The following ARHGAP42 variants were observed in gnomAD, a reference collection of about 807,000 sequenced individuals.
ARHGAP42 encodes the protein Rho GTPase activating protein 42.
ARHGAP42 carries 63 observed loss-of-function variants against 125.0 expected under a neutral mutation model. The ratio of observed to expected loss-of-function variants is 0.50; its 90% CI spans 0.41 to 0.62. The LOEUF is 0.62. Ranked by LOEUF, ARHGAP42 falls within the 20% of genes least tolerant of loss-of-function variation. ARHGAP42 has a pLI of 0.00. For missense variants in ARHGAP42, 766 were observed against 1,024.2 expected (o/e 0.75, Z 3.44); for synonymous variants, 339 against 351.0 (o/e 0.97, Z 0.38).
At chr11:100,744,872 G>A (rs187976401) in intron 1 of ARHGAP42, among the ~76,000 whole-genome samples, 85 of 152,222 alleles carry the variant, frequency 5.6e-4, no homozygotes, top group Middle Eastern at 6.8e-3. Context: ...CTTGGGATGC[G>A]CCCTTACAGA....
chr11:100,888,226 C>G (rs935430506), intron 4 of ARHGAP42, among the ~76,000 whole-genome samples: 17 of 134,994 alleles, frequency 1.3e-4, no homozygotes, highest in Non-Finnish European at 2.4e-4. Context: ...TGAAAAACAG[C>G]CTTTCCTTTT....
chr11:100,948,565 GT>G, intron 11 of ARHGAP42, 30 bp downstream of exon 11: 1 of 1,478,224 alleles, frequency 6.8e-7, no homozygotes. Flanking sequence ...TATAATTTAG[GT>G]TTTATTGTCC....
intron 1 of ARHGAP42, among the ~76,000 whole-genome samples, chr11:100,718,123 A>G (rs1246171905): frequency 6.6e-6 from 1 of 152,200 alleles, no homozygotes; most frequent in African/African-American, 2.4e-5. Flanking sequence ...TGTCTCTAGC[A>G]TGTATATAGT....
At chr11:100,695,150 C>T (rs115101799) in intron 1 of ARHGAP42, among the ~76,000 whole-genome samples, 2,390 of 152,288 alleles carry the variant, frequency 0.016, 52 homozygotes, top group African/African-American at 0.053. Flanking sequence ...TTTGTATAAG[C>T]GTAGCAACTT....
At chr11:100,803,759 G>C (rs1290000270) in intron 3 of ARHGAP42, among the ~76,000 whole-genome samples, 1 of 152,138 alleles carries the variant, frequency 6.6e-6, no homozygotes, top group African/African-American at 2.4e-5. Context: ...CTTGACAAAT[G>C]ATTTCTTATG....
chr11:100,796,297 C>T (rs1863711964), intron 3 of ARHGAP42, among the ~76,000 whole-genome samples: 1 of 152,156 alleles, frequency 6.6e-6, no homozygotes, highest in African/African-American at 2.4e-5. Context: ...AGACTGTGAA[C>T]ATAATAAATG....
chr11:100,981,997 G>A (rs1858555714), intron 22 of ARHGAP42, among the ~76,000 whole-genome samples: 1 of 152,172 alleles, frequency 6.6e-6, no homozygotes, highest in Non-Finnish European at 1.5e-5. Flanking sequence ...CTGGAACCAG[G>A]AGACAGCATG....
At chr11:100,799,402 G>A (rs1016445470) in intron 3 of ARHGAP42, among the ~76,000 whole-genome samples, 1 of 152,208 alleles carries the variant, frequency 6.6e-6, no homozygotes, top group South Asian at 2.1e-4. Flanking sequence ...TTCTGTGAAG[G>A]TGACTTTGAT....
intron 17 of ARHGAP42, among the ~76,000 whole-genome samples, chr11:100,970,451 A>G (rs933723863): frequency 6.6e-6 from 1 of 152,102 alleles, no homozygotes; most frequent in East Asian, 1.9e-4. Context: ...TAGGTGATCT[A>G]TAAATATGTC....
chr11:100,901,380 G>A (rs1866542131), intron 4 of ARHGAP42, among the ~76,000 whole-genome samples: 1 of 152,232 alleles, frequency 6.6e-6, no homozygotes, highest in Non-Finnish European at 1.5e-5. Context: ...AGACCCACTT[G>A]AGGAGGCAGT....
At chr11:100,881,216 C>G (rs934297612) in intron 4 of ARHGAP42, among the ~76,000 whole-genome samples, 5 of 152,126 alleles carry the variant, frequency 3.3e-5, no homozygotes, top group African/African-American at 1.2e-4. Context: ...TTTATAGATT[C>G]AGGTCCTAGA....
At chr11:100,729,084 C>G (rs1200273442) in intron 1 of ARHGAP42, among the ~76,000 whole-genome samples, 3 of 152,156 alleles carry the variant, frequency 2.0e-5, no homozygotes, top group South Asian at 4.2e-4. Context: ...CTCTCTCTCT[C>G]TCTCTTAACT....
At chr11:100,744,892 G>A (rs11224426) in intron 1 of ARHGAP42, among the ~76,000 whole-genome samples, 49,951 of 152,056 alleles carry the variant, frequency 0.33, 8,291 homozygotes, top group African/African-American at 0.37. Flanking sequence ...ATGGAGCAGT[G>A]GTGAGCTCAC....
At chr11:100,754,095 A>G (rs757807133) in intron 1 of ARHGAP42, among the ~76,000 whole-genome samples, 30 of 152,362 alleles carry the variant, frequency 2.0e-4, no homozygotes, top group Middle Eastern at 3.4e-3. Flanking sequence ...TTTAATTCCC[A>G]TTAGTGCTAC....
chr11:100,718,129 A>G (rs149596252), intron 1 of ARHGAP42, among the ~76,000 whole-genome samples: 125 of 152,334 alleles, frequency 8.2e-4, no homozygotes, highest in Middle Eastern at 3.4e-3. Flanking sequence ...TAGCATGTAT[A>G]TAGTGAAGCC....
intron 21 of ARHGAP42, 96 bp downstream of exon 21, chr11:100,977,067 C>A: frequency 1.5e-6 from 2 of 1,367,068 alleles, no homozygotes; most frequent in Non-Finnish European, 2.0e-6. Flanking sequence ...AAGTTGAATA[C>A]ATTGGGAATA....
chr11:100,875,228 T>A (rs927954502), intron 4 of ARHGAP42, among the ~76,000 whole-genome samples: 1 of 152,050 alleles, frequency 6.6e-6, no homozygotes, highest in Non-Finnish European at 1.5e-5. Flanking sequence ...ATTTATTTTA[T>A]TTTTTATTTA....
chr11:100,968,641 T>C (rs1858160876), intron 17 of ARHGAP42, among the ~76,000 whole-genome samples: 1 of 152,132 alleles, frequency 6.6e-6, no homozygotes, highest in African/African-American at 2.4e-5. Context: ...ATTTATAGAG[T>C]TTGATACATT....
At chr11:100,870,830 G>A (rs1420423830) in intron 4 of ARHGAP42, among the ~76,000 whole-genome samples, 2 of 151,956 alleles carry the variant, frequency 1.3e-5, no homozygotes, top group Non-Finnish European at 2.9e-5. Context: ...TGATAAAATG[G>A]CAACTGTCAG....
Sources: gnomAD v4.1 joint callset for allele counts (sites outside exome capture counted in the v4.1 genomes callset) on GRCh38, gnomAD v4.1.1 for gene constraint, MANE v1.5 for transcripts, NCBI Gene and HGNC (gene_info 2026-07-23, HGNC 2026-07-21) for gene names.